Variants in ALCAM observed in about 807,000 individuals in gnomAD.
ALCAM encodes the protein CD166 antigen.
In ALCAM, 30 loss-of-function variants were observed where a neutral mutation model predicts 70.9. The observed-to-expected ratio is 0.42, with a 90% CI of 0.32 to 0.57. ALCAM has a LOEUF of 0.57. Ranked by LOEUF, ALCAM falls within the 20% of genes least tolerant of loss-of-function variation. The pLI, the probability that ALCAM is intolerant of heterozygous loss-of-function variation, is 0.11. For synonymous variants in ALCAM, 249 were observed against 242.5 expected, an observed-to-expected ratio of 1.03 and a Z score of -0.25; for missense variants, 591 against 695.1, an observed-to-expected ratio of 0.85 and a Z score of 1.68.
chr3:105,500,554 A>G (rs1938892896), intron 1 of ALCAM, among the ~76,000 whole-genome samples: 1 of 152,210 alleles, frequency 6.6e-6, no homozygotes, highest in African/African-American at 2.4e-5. Context: ...CTTGAAATAT[A>G]TTATCTCCAT....
At chr3:105,395,283 C>A (rs1243041551) in intron 1 of ALCAM, among the ~76,000 whole-genome samples, 1 of 151,906 alleles carries the variant, frequency 6.6e-6, no homozygotes, top group Non-Finnish European at 1.5e-5. Flanking sequence ...ATCTTCAATG[C>A]AACTTTTTCA....
intron 1 of ALCAM, among the ~76,000 whole-genome samples, chr3:105,517,163 T>A (rs551835261): frequency 6.6e-6 from 1 of 152,212 alleles, no homozygotes; most frequent in South Asian, 2.1e-4. Context: ...GGGCGCGAGA[T>A]GTTAGCTCTC....
intron 1 of ALCAM, among the ~76,000 whole-genome samples, chr3:105,470,146 C>T (rs938807375): frequency 4.0e-5 from 6 of 150,304 alleles, no homozygotes; most frequent in Admixed American, 6.7e-5. Context: ...CACACACACA[C>T]ACACACACAC....
chr3:105,438,000 C>A (rs1404186665), intron 1 of ALCAM, among the ~76,000 whole-genome samples: 3 of 152,058 alleles, frequency 2.0e-5, no homozygotes, highest in African/African-American at 7.2e-5. Flanking sequence ...AGTCTCTAAA[C>A]AATCACTCCT....
At chr3:105,450,733 G>A (rs1390714277) in intron 1 of ALCAM, among the ~76,000 whole-genome samples, 1 of 152,098 alleles carries the variant, frequency 6.6e-6, no homozygotes, top group Non-Finnish European at 1.5e-5. Context: ...TGGTAAATTT[G>A]TAGAGAAAAC....
At chr3:105,512,393 C>G (rs1360714308) in intron 1 of ALCAM, among the ~76,000 whole-genome samples, 2 of 151,788 alleles carry the variant, frequency 1.3e-5, no homozygotes, top group East Asian at 1.9e-4. Flanking sequence ...CTTCTTCTTG[C>G]TAAAATAGGT....
intron 1 of ALCAM, among the ~76,000 whole-genome samples, chr3:105,470,132 T>TACACACACACACACACAC (rs35560211): frequency 2.4e-4 from 35 of 145,820 alleles, no homozygotes; most frequent in South Asian, 1.9e-3. Context: ...GTTATATACA[T>TACACACACACACACACAC]ACACACACAC....
intron 3 of ALCAM, among the ~76,000 whole-genome samples, chr3:105,526,369 A>T (rs1939705920): frequency 6.6e-6 from 1 of 152,116 alleles, no homozygotes; most frequent in Non-Finnish European, 1.5e-5. Context: ...TTTTTTCAGA[A>T]ATCTGAAAAA....
intron 1 of ALCAM, among the ~76,000 whole-genome samples, chr3:105,435,031 A>T (rs961418009): frequency 6.6e-6 from 1 of 152,228 alleles, no homozygotes; most frequent in Non-Finnish European, 1.5e-5. Flanking sequence ...TGCCTATGCT[A>T]CTAATCAATG....
At position 105,545,219 on chromosome 3, in the gene ALCAM, A is replaced by G; in HGVS notation, c.992-4A>G. Reference sequence around the variant, plus strand: ...GCACTTTGAACAGATTTTCTGCTTCACAGATTTGGATTTGTCCTTAAACCC... The same window carrying G: ...GCACTTTGAACAGATTTTCTGCTTCGCAGATTTGGATTTGTCCTTAAACCC... On this transcript the variant is annotated splice_region_variant and splice_polypyrimidine_tract_variant and intron_variant, in intron 8 of 15. Coordinates refer to ENST00000306107, the MANE Select transcript of ALCAM (RefSeq NM_001627.4). 3.2e-6 allele frequency: 5 copies of G among 1,586,162 alleles called. No individual in the cohort carries two copies. Among genetic ancestry groups the G allele is most frequent in the Non-Finnish European group, 4.3e-6 (5 of 1,155,624 alleles).
At position 105,446,667 on chromosome 3, in the gene ALCAM, G is replaced by C. The variant is rs976769274; in HGVS notation, c.74-73400G>C. Among the ~76,000 whole-genome samples, 8 of 151,042 alleles carry C rather than the reference G, an allele frequency of 5.3e-5. 1 individual carries two copies. The South Asian group carries it at 1.5e-3, about 28-fold the overall frequency. ...CACACACACATAATGGAGTACTACT[G>C]AGCCCTAAAAAAGCATGAAATCATG... On this transcript the variant is annotated intron_variant, in intron 1 of 15. Transcript: ENST00000306107.
chr3:105,399,279 A>C (rs1160332265), intron 1 of ALCAM, among the ~76,000 whole-genome samples: 2 of 151,894 alleles, frequency 1.3e-5, no homozygotes, highest in Non-Finnish European at 2.9e-5. Context: ...TTTTCTTTAC[A>C]CTTTAGTTTC....
At chr3:105,446,400 A>C (rs1437886836) in intron 1 of ALCAM, among the ~76,000 whole-genome samples, 1 of 152,152 alleles carries the variant, frequency 6.6e-6, no homozygotes, top group Admixed American at 6.5e-5. Context: ...TATTATGGAA[A>C]ACAGTATGTA....
intron 1 of ALCAM, among the ~76,000 whole-genome samples, chr3:105,515,414 A>C (rs1019197557): frequency 2.6e-5 from 4 of 152,000 alleles, no homozygotes; most frequent in Non-Finnish European, 5.9e-5. Flanking sequence ...GCTTGTGTTC[A>C]GTGATTATTT....
intron 1 of ALCAM, among the ~76,000 whole-genome samples, chr3:105,437,484 C>T (rs1937074979): frequency 6.6e-6 from 1 of 152,098 alleles, no homozygotes; most frequent in African/African-American, 2.4e-5. Context: ...AACATTAGGA[C>T]ATTTCATCCA....
At chr3:105,484,534 T>C (rs1438086021) in intron 1 of ALCAM, among the ~76,000 whole-genome samples, 2 of 152,076 alleles carry the variant, frequency 1.3e-5, no homozygotes, top group African/African-American at 2.4e-5. Flanking sequence ...AATAGTCTAT[T>C]GATTGATTTC....
intron 1 of ALCAM, among the ~76,000 whole-genome samples, chr3:105,406,822 A>G (rs930240826): frequency 6.6e-6 from 1 of 152,174 alleles, no homozygotes; most frequent in African/African-American, 2.4e-5. Flanking sequence ...ATTAACCAAG[A>G]AAAGGAGACA....
chr3:105,446,610 TACACACACACAC>T (rs59828133), intron 1 of ALCAM, among the ~76,000 whole-genome samples: 11 of 144,120 alleles, frequency 7.6e-5, no homozygotes, highest in East Asian at 2.1e-4. Flanking sequence ...AAATTTGGTG[TACACACACACAC>T]ACACACACAC....
At chr3:105,392,772 ACTGT>A (rs1935856489) in intron 1 of ALCAM, among the ~76,000 whole-genome samples, 1 of 151,666 alleles carries the variant, frequency 6.6e-6, no homozygotes, top group Non-Finnish European at 1.5e-5. Context: ...ATTCTGGTAC[ACTGT>A]CTCTTTGTTC....
Sources: allele counts gnomAD v4.1 joint callset (sites outside exome capture counted in the v4.1 genomes callset), GRCh38; gene constraint gnomAD v4.1.1; transcripts MANE v1.5; gene names NCBI Gene and HGNC (gene_info 2026-07-23, HGNC 2026-07-21).